ADRA1B: variants seen among roughly 807,000 people sequenced by gnomAD.
ADRA1B encodes the protein adrenoceptor alpha 1B, also known as alpha-1B adrenergic receptor.
ADRA1B carries 17 observed loss-of-function variants against 17.9 expected under a neutral mutation model. The observed-to-expected ratio is 0.95, with a 90% confidence interval of 0.65 to 1.42. The LOEUF is 1.42. Among genes scored for constraint, ADRA1B ranks in the 40% most tolerant of loss-of-function variants. The pLI, the probability that ADRA1B is intolerant of heterozygous loss-of-function variation, is 0.00. For synonymous variants in ADRA1B, 366 were observed against 327.6 expected (o/e 1.12, Z -1.27); for missense variants, 681 against 722.1 (o/e 0.94, Z 0.65).
intron 1 of ADRA1B, among the ~76,000 whole-genome samples, chr5:159,918,235 AAT>A (rs1430723683): frequency 6.6e-6 from 1 of 152,206 alleles, no homozygotes; most frequent in Non-Finnish European, 1.5e-5. Context: ...CAGCATACAA[AAT>A]AGTTTGTAGT....
rs556916035 is a variant in ADRA1B at position 159,920,113 on chromosome 5, G to A, written c.949+2259G>A. Among the ~76,000 whole-genome samples, 36 of 152,320 alleles carry A rather than the reference G, an allele frequency of 2.4e-4. No individual in the cohort carries two copies. The East Asian group carries it at 6.6e-3, about 28-fold the overall frequency. On this transcript the variant is annotated intron_variant, in intron 1 of 1. Coordinates refer to ENST00000306675, the MANE Select transcript of ADRA1B (RefSeq NM_000679.4). ...CCAGCAAATAGGATTCAGTAAGTCA[G>A]AAGGATACCAGGAATCTGCAGGTAT...
At chr5:159,896,082 T>C (rs1754037792) in intron 1 of ADRA1B, among the ~76,000 whole-genome samples, 1 of 152,242 alleles carries the variant, frequency 6.6e-6, no homozygotes, top group South Asian at 2.1e-4. Context: ...CCCAGAAATC[T>C]GGTATCCCCA....
intron 1 of ADRA1B, among the ~76,000 whole-genome samples, chr5:159,937,085 C>T (rs950535558): frequency 1.3e-5 from 2 of 152,196 alleles, no homozygotes; most frequent in African/African-American, 4.8e-5. Context: ...CCCAAGCCCT[C>T]TGGGTACTAC....
At chr5:159,910,804 A>G (rs1296133860) in intron 1 of ADRA1B, among the ~76,000 whole-genome samples, 4 of 152,166 alleles carry the variant, frequency 2.6e-5, no homozygotes, top group Non-Finnish European at 5.9e-5. Context: ...TCTGATCCTG[A>G]CTTGTGGCAG....
chr5:159,896,244 C>A (rs941433752), intron 1 of ADRA1B, among the ~76,000 whole-genome samples: 5 of 152,134 alleles, frequency 3.3e-5, no homozygotes, highest in African/African-American at 1.2e-4. Flanking sequence ...TAAATGGGAC[C>A]TCCTTCTGTT....
At chr5:159,892,531 G>A (rs528135680) in intron 1 of ADRA1B, among the ~76,000 whole-genome samples, 57 of 152,192 alleles carry the variant, frequency 3.7e-4, no homozygotes, top group African/African-American at 1.1e-3. Context: ...TACCCACCAC[G>A]TGTCCATGTG....
At chr5:159,894,268 T>C (rs1187874352) in intron 1 of ADRA1B, among the ~76,000 whole-genome samples, 1 of 152,278 alleles carries the variant, frequency 6.6e-6, no homozygotes, top group Non-Finnish European at 1.5e-5. Flanking sequence ...TTGGGATTTA[T>C]GTGCTGGTTG....
chr5:159,928,238 G>A (rs1243393482), intron 1 of ADRA1B, among the ~76,000 whole-genome samples: 1 of 152,142 alleles, frequency 6.6e-6, no homozygotes. Flanking sequence ...GCTGGAATCA[G>A]TGCAGGGGGA....
At chr5:159,877,105 G>T (rs1445568796) in intron 1 of ADRA1B, among the ~76,000 whole-genome samples, 1 of 152,156 alleles carries the variant, frequency 6.6e-6, no homozygotes, top group Non-Finnish European at 1.5e-5. Context: ...CTGATGATGT[G>T]TTTTCTGGAA....
intron 1 of ADRA1B, chr5:159,868,587 GA>G (rs1753694343): frequency 6.6e-6 from 1 of 152,182 alleles, no homozygotes; most frequent in South Asian, 2.1e-4. Context: ...ATTCAGAAAC[GA>G]TTTGGTGGAT....
chr5:159,927,528 C>T (rs1754694032), intron 1 of ADRA1B, among the ~76,000 whole-genome samples: 1 of 152,010 alleles, frequency 6.6e-6, no homozygotes, highest in African/African-American at 2.4e-5. Flanking sequence ...AATACAGGTG[C>T]CCCAGCTTTG....
chr5:159,963,939 C>T (rs760582697), intron 1 of ADRA1B, among the ~76,000 whole-genome samples: 25 of 152,264 alleles, frequency 1.6e-4, no homozygotes, highest in Admixed American at 1.0e-3. Flanking sequence ...GGTGGGCTCA[C>T]GGCAACATCT....
At position 159,955,096 on chromosome 5, in the gene ADRA1B, C is replaced by T. The variant is rs750785365; in HGVS notation, c.950-16783C>T. 2.4e-5 allele frequency: 23 copies of T among 942,240 alleles called. No homozygotes were observed. In the Admixed American group the frequency reaches 4.3e-4, roughly 18 times the overall value. 58.4% of individuals were successfully genotyped at this position (942,240 alleles called of 1,614,324 possible). A position where few individuals can be genotyped will look rare whatever the true frequency, so the allele number is the denominator to read the frequency against. On this transcript the variant is annotated intron_variant, in intron 1 of 1. Transcript: ENST00000306675. ...ATTTCATTATACAATATTTATGATG[C>T]CAGGCAATGTGCTTAGCCTTCAGGA...
chr5:159,962,059 C>T (rs1018328982), intron 1 of ADRA1B, among the ~76,000 whole-genome samples: 39 of 152,190 alleles, frequency 2.6e-4, no homozygotes, highest in African/African-American at 8.2e-4. Context: ...ATTAGCCATG[C>T]GTGATGACAT....
chr5:159,960,988 G>A (rs1755655966), intron 1 of ADRA1B, among the ~76,000 whole-genome samples: 1 of 152,178 alleles, frequency 6.6e-6, no homozygotes, highest in African/African-American at 2.4e-5. Context: ...GAGGAGATGA[G>A]AATATAGACC....
At chr5:159,965,216 C>T (rs1939340674) in intron 1 of ADRA1B, among the ~76,000 whole-genome samples, 1 of 152,218 alleles carries the variant, frequency 6.6e-6, no homozygotes, top group Admixed American at 6.5e-5. Context: ...CTCCCCTCAC[C>T]CTCACTGGCC....
At chr5:159,904,627 A>G (rs1254200617) in intron 1 of ADRA1B, among the ~76,000 whole-genome samples, 1 of 152,182 alleles carries the variant, frequency 6.6e-6, no homozygotes, top group Non-Finnish European at 1.5e-5. Context: ...TGAGCCTACT[A>G]TGTGTCAGGC....
At chr5:159,902,571 G>A (rs1385743343) in intron 1 of ADRA1B, among the ~76,000 whole-genome samples, 3 of 152,116 alleles carry the variant, frequency 2.0e-5, no homozygotes, top group South Asian at 2.1e-4. Flanking sequence ...GCTAACTCCT[G>A]GGGCCCTCCC....
intron 1 of ADRA1B, among the ~76,000 whole-genome samples, chr5:159,935,417 T>C (rs1219821943): frequency 1.3e-5 from 2 of 152,226 alleles, no homozygotes; most frequent in Admixed American, 6.5e-5. Flanking sequence ...GAATTTGCTA[T>C]ACATCTTCTT....
Sources: gnomAD v4.1 joint callset for allele counts (sites outside exome capture counted in the v4.1 genomes callset) on GRCh38, gnomAD v4.1.1 for gene constraint, MANE v1.5 for transcripts, NCBI Gene and HGNC (gene_info 2026-07-23, HGNC 2026-07-21) for gene names.